The following MYOM1 variants were observed in gnomAD, a reference collection of about 807,000 sequenced individuals.
The protein encoded by MYOM1 is myomesin-1.
A neutral mutation model predicts 205.3 loss-of-function variants in MYOM1; 164 were observed. That is an observed-to-expected ratio of 0.80 (90% CI 0.70 to 0.91). The LOEUF is 0.91. Ranked by LOEUF, MYOM1 falls within the 40% of genes least tolerant of loss-of-function variation. The pLI, the probability that MYOM1 is intolerant of heterozygous loss-of-function variation, is 0.00. For synonymous variants in MYOM1, 772 were observed against 789.4 expected (o/e 0.98, Z 0.37); for missense variants, 2,011 against 2,127.3 (o/e 0.95, Z 1.08).
At chr18:3,190,922 C>T (rs958862186) in intron 3 of MYOM1, among the ~76,000 whole-genome samples, 17 of 152,164 alleles carry the variant, frequency 1.1e-4, no homozygotes, top group East Asian at 1.9e-4. Flanking sequence ...CTCTAGAGGG[C>T]CAAATGAAGT....
At chr18:3,113,564 C>T (rs1392352707) in intron 21 of MYOM1, among the ~76,000 whole-genome samples, 1 of 152,042 alleles carries the variant, frequency 6.6e-6, no homozygotes, top group Non-Finnish European at 1.5e-5. Context: ...AACTCCTGGG[C>T]TCAAGCAATT....
chr18:3,228,410 G>A, the MYOM1 span, among the ~76,000 whole-genome samples: 13 of 152,260 alleles, frequency 8.5e-5, no homozygotes, highest in South Asian at 2.7e-3. This position sits in a 1 kb window ranked among gnomAD's most constrained non-coding sequence, Gnocchi z 4.5. Context: ...TGGAACAACG[G>A]AGAGCCAGAT....
chr18:3,188,485 T>C lies in MYOM1; in HGVS notation c.771+263A>G, dbSNP rs73375188. On this transcript the variant is annotated intron_variant, in intron 4 of 37. Transcript: ENST00000356443. Reference sequence around the variant, plus strand: ...AAAAAAAACAACAACGAAAATTAGCTGGGTGTGGTGGCACGTGCCTGTAAT... The same window carrying C: ...AAAAAAAACAACAACGAAAATTAGCCGGGTGTGGTGGCACGTGCCTGTAAT... 0.086 allele frequency among the ~76,000 whole-genome samples: 12,861 copies of C among 150,136 alleles called. 762 individuals are homozygous for C. Among genetic ancestry groups the C allele is most frequent in the African/African-American group, 0.17 (6,966 of 40,820 alleles).
chr18:3,127,305 A>ATATTTTTTT (rs56880961), intron 18 of MYOM1, among the ~76,000 whole-genome samples: 13 of 47,582 alleles, frequency 2.7e-4, no homozygotes, highest in Non-Finnish European at 4.0e-4. Flanking sequence ...ATATATATAT[A>ATATTTTTTT]TTTTTTTTTT....
rs534659625 is a variant in MYOM1, at chr18:3,164,443, G to T, written c.1340-4C>A. The T allele has an allele frequency of 3.0e-4, 473 of 1,581,602 alleles. No homozygotes were observed. The highest frequency in any genetic ancestry group is 2.8e-3 in the Middle Eastern group (17 of 6,012). On this transcript the variant is annotated splice_polypyrimidine_tract_variant and splice_region_variant and intron_variant, in intron 9 of 37. Coordinates refer to ENST00000356443, the MANE Select transcript of MYOM1 (RefSeq NM_003803.4). ...TTTGATGGAGAAAGAGGTACTCCTAGAAATATTTTAAAAGTAAGCAAATTA... is the reference window on the plus strand; with the variant it reads ...TTTGATGGAGAAAGAGGTACTCCTATAAATATTTTAAAAGTAAGCAAATTA...
chr18:3,099,929 T>C (rs1403470193), intron 25 of MYOM1, among the ~76,000 whole-genome samples: 1 of 152,220 alleles, frequency 6.6e-6, no homozygotes, highest in Non-Finnish European at 1.5e-5. Flanking sequence ...CGCCATGTAA[T>C]GGAGCATGGG....
chr18:3,129,365 G>A lies in MYOM1; in HGVS notation c.2661C>T (p.Ser887=). ...SKPNKPSLPS[S]SQNLGQTEVS... is the part of the protein sequence containing the mutation. ...CTTCTGTTTGGCCCAGGTTTTGAGAGCTACTGGGTAGTGAAGGTTTGTTAG... is the reference window on the plus strand; with the variant it reads ...CTTCTGTTTGGCCCAGGTTTTGAGAACTACTGGGTAGTGAAGGTTTGTTAG... Residue 887 remains serine (S), a synonymous_variant, in exon 18 of 38, where the codon AGC becomes AGT. Coordinates refer to ENST00000356443, the MANE Select transcript of MYOM1 (RefSeq NM_003803.4). The A allele has an allele frequency of 1.2e-6, 2 of 1,613,992 alleles. No homozygotes were observed. The highest frequency in any genetic ancestry group is 1.7e-5 in the Admixed American group (1 of 60,020).
Position 3,090,797 on chromosome 18 carries a change from A to G in MYOM1, c.3870T>C (p.Tyr1290=). ...NEKEIFEGPK[Y]KMHIDRNTGI... is the part of the protein sequence containing the mutation. ...CAGTGTTTCGGTCAATATGCATTTTATATTTCTTCAGTGTGAAAAGAAAAT... is the reference window on the plus strand; with the variant it reads ...CAGTGTTTCGGTCAATATGCATTTTGTATTTCTTCAGTGTGAAAAGAAAAT... The change falls in exon 27 of 38, where the codon TAT becomes TAC. Residue 1290 remains tyrosine (Y), a synonymous_variant. Coordinates refer to ENST00000356443, the MANE Select transcript of MYOM1 (RefSeq NM_003803.4). 1 of 1,613,854 alleles carries G rather than the reference A, an allele frequency of 6.2e-7. No homozygotes were observed. Among genetic ancestry groups the G allele is most frequent in the Non-Finnish European group, 8.5e-7 (1 of 1,179,816 alleles).
intron 4 of MYOM1, among the ~76,000 whole-genome samples, 170 bp from the exon 5 acceptor site, chr18:3,187,807 T>A (rs910909358): frequency 1.3e-5 from 2 of 152,024 alleles, no homozygotes; most frequent in African/African-American, 4.8e-5. Flanking sequence ...CAGAGGTAGT[T>A]ATTTGACATT....
chr18:3,224,455 G>C (rs749720152), upstream of MYOM1, among the ~76,000 whole-genome samples: 2 of 152,202 alleles, frequency 1.3e-5, no homozygotes, highest in East Asian at 3.9e-4. Flanking sequence ...TTTTGGAAAG[G>C]GGAAGAAGTG....
chr18:3,076,644 T>C (rs2079023615), intron 34 of MYOM1, among the ~76,000 whole-genome samples: 1 of 151,918 alleles, frequency 6.6e-6, no homozygotes, highest in African/African-American at 2.4e-5. Flanking sequence ...GAAAATGAGA[T>C]CTATATAGTT....
chr18:3,228,180 G>A, the MYOM1 span, among the ~76,000 whole-genome samples: 5 of 152,194 alleles, frequency 3.3e-5, no homozygotes, highest in African/African-American at 1.2e-4. The surrounding 1 kb of genome is among the most constrained non-coding windows in gnomAD (Gnocchi z 4.5). Flanking sequence ...AAGACCAGGT[G>A]ACACCTGCAG....
At chr18:3,210,737 T>A (rs924945703) in intron 2 of MYOM1, among the ~76,000 whole-genome samples, 3 of 152,168 alleles carry the variant, frequency 2.0e-5, no homozygotes, top group Admixed American at 2.0e-4. Flanking sequence ...CCCGGTGGTG[T>A]ATGATCAAGG....
At position 3,135,715 on chromosome 18, in the gene MYOM1, C is replaced by G; in HGVS notation, c.2041G>C (p.Glu681Gln). The G allele has an allele frequency of 6.2e-7, 1 of 1,613,912 alleles. No homozygotes were observed. Among genetic ancestry groups the G allele is most frequent in the South Asian group, 1.1e-5 (1 of 91,070 alleles). ...YFVEKCEAGT[E>Q]NWQRVNTELP... Reference sequence around the variant, plus strand: ...TCCGTGTTCACTCGCTGCCAGTTTTCTGTTCCTGCCTCACACTGCAGCAAG... The same window carrying G: ...TCCGTGTTCACTCGCTGCCAGTTTTGTGTTCCTGCCTCACACTGCAGCAAG... The change falls in exon 15 of 38, where the codon GAA becomes CAA. Residue 681 changes from glutamate to glutamine, a missense_variant. Transcript: ENST00000356443. The surrounding 1 kb of genome is among the most constrained non-coding windows in gnomAD (Gnocchi z 4.1).
intron 11 of MYOM1, 109 bp downstream of exon 11, chr18:3,154,838 A>C: frequency 8.6e-7 from 1 of 1,162,420 alleles, no homozygotes; most frequent in East Asian, 2.6e-5. Flanking sequence ...TAGAAAGAGG[A>C]GGAGAGGAAA....
At chr18:3,114,392 T>C (rs1567912587) in intron 21 of MYOM1, among the ~76,000 whole-genome samples, 1 of 151,748 alleles carries the variant, frequency 6.6e-6, no homozygotes, top group African/African-American at 2.4e-5. Context: ...TTTTTTTTTT[T>C]TTCGAGACAG....
chr18:3,189,044 T>C lies in MYOM1; in HGVS notation c.475A>G (p.Ile159Val). 1 of 1,613,606 alleles carries C rather than the reference T, an allele frequency of 6.2e-7. No homozygotes were observed. Among genetic ancestry groups the C allele is most frequent in the Non-Finnish European group, 8.5e-7 (1 of 1,179,748 alleles). The change falls in exon 4 of 38, where the codon ATT becomes GTT. Residue 159 changes from isoleucine to valine, a missense_variant. Ile to Val is a conservative substitution (Grantham distance 29, BLOSUM62 3). Coordinates refer to ENST00000356443, the MANE Select transcript of MYOM1 (RefSeq NM_003803.4). The surrounding 1 kb of genome is among the most constrained non-coding windows in gnomAD (Gnocchi z 4.8). ...GCTATATAAGCAGCAGCTTCTTTAATTCTTTCTTCTTCCGTATCAGTAATT... is the reference window on the plus strand; with the variant it reads ...GCTATATAAGCAGCAGCTTCTTTAACTCTTTCTTCTTCCGTATCAGTAATT... ...SGITDTEEER[I>V]KEAAAYIAQR...
At chr18:3,071,054 C>T (rs778691453) in intron 37 of MYOM1, among the ~76,000 whole-genome samples, 5 of 151,686 alleles carry the variant, frequency 3.3e-5, no homozygotes, top group East Asian at 1.9e-4. Flanking sequence ...CCACTGTGCC[C>T]GGCCTAGGGG....
rs1276101338 is a variant in MYOM1, at chr18:3,152,369, C to A, written c.1644-476G>T. On this transcript the variant is annotated intron_variant, in intron 11 of 37. Transcript: ENST00000356443. The surrounding 1 kb of genome is among the most constrained non-coding windows in gnomAD (Gnocchi z 4.3). ...TTGCACTGTAGTTTGGAAAAGAGTT[C>A]ACCATATTTCCTCACTTCATGGTCA... 6.6e-6 allele frequency among the ~76,000 whole-genome samples: 1 copy of A among 152,168 alleles called. No homozygotes were observed. Among genetic ancestry groups the A allele is most frequent in the African/African-American group, 2.4e-5 (1 of 41,432 alleles).
Sources: gnomAD v4.1 joint callset for allele counts (sites outside exome capture counted in the v4.1 genomes callset) on GRCh38, gnomAD v4.1.1 for gene constraint, Gnocchi (gnomAD v3.1) non-coding constraint, MANE v1.5 for transcripts, NCBI Gene and HGNC (gene_info 2026-07-23, HGNC 2026-07-21) for gene names.